Variants in SHPRH observed in about 807,000 individuals in gnomAD.
SHPRH encodes the protein E3 ubiquitin-protein ligase SHPRH.
In SHPRH, 106 loss-of-function variants were observed where a neutral mutation model predicts 202.5. The ratio of observed to expected loss-of-function variants is 0.52; its 90% CI spans 0.45 to 0.62. SHPRH has a LOEUF of 0.62. SHPRH is among the 20% of genes least tolerant of loss of function. The pLI is 0.00. For synonymous variants in SHPRH, 729 were observed against 686.0 expected (o/e 1.06, Z -0.98); for missense variants, 1,710 against 2,020.0 (o/e 0.85, Z 2.94).
intron 2 of SHPRH, among the ~76,000 whole-genome samples, chr6:145,867,945 C>CAA (rs1316943262): frequency 1.3e-5 from 2 of 152,064 alleles, no homozygotes; most frequent in Non-Finnish European, 2.9e-5. Context: ...CAAAACAAAA[C>CAA]AACTTTGCCA....
At chr6:145,951,851 G>A (rs999504359) in intron 3 of SHPRH, 1 of 455,904 alleles carries the variant, frequency 2.2e-6, no homozygotes, top group East Asian at 7.0e-5. Flanking sequence ...GCTGCACCAA[G>A]CCATCCACAC....
intron 2 of SHPRH, among the ~76,000 whole-genome samples, chr6:145,870,627 G>C (rs1260017121): frequency 1.3e-5 from 2 of 152,086 alleles, no homozygotes; most frequent in African/African-American, 2.4e-5. Flanking sequence ...TTTTTTCCCA[G>C]TCTGTATACC....
rs576859061 is a variant in SHPRH, at chr6:145,895,655, C to T, written c.4516-678G>A. ...GAAAATAGTGCAAGTATTTCTGTAG[C>T]CCTCAATGAGAAAGTTTTCCTTCTG... is the stretch of plus-strand genomic sequence containing the variant. On this transcript the variant is annotated intron_variant, in intron 25 of 29. Coordinates refer to ENST00000275233, the MANE Select transcript of SHPRH (RefSeq NM_001042683.3). Among the ~76,000 whole-genome samples, 3 of 151,752 alleles carry T rather than the reference C, an allele frequency of 2.0e-5. No individual in the cohort carries two copies. The South Asian group carries it at 6.2e-4, about 32-fold the overall frequency.
intron 25 of SHPRH, among the ~76,000 whole-genome samples, chr6:145,902,890 A>G (rs1159358795): frequency 6.6e-6 from 1 of 152,104 alleles, no homozygotes; most frequent in East Asian, 1.9e-4. Flanking sequence ...TGGAGTTTAC[A>G]CTCAACAAAT....
At chr6:145,933,329 A>AT in intron 13 of SHPRH, 151 bp from the exon 14 acceptor site, 1 of 1,104,274 alleles carries the variant, frequency 9.1e-7, no homozygotes, top group Non-Finnish European at 1.3e-6. Flanking sequence ...TTTTACCATT[A>AT]TTTTTTCCCA....
At chr6:145,907,763 CT>C (rs1430741995) in intron 25 of SHPRH, 2 of 152,074 alleles carry the variant, frequency 1.3e-5, no homozygotes, top group African/African-American at 2.4e-5. Flanking sequence ...CCCTCAGAGA[CT>C]TTTTTTCCTT....
At position 145,886,285 on chromosome 6, in the gene SHPRH, G is replaced by A. The variant is rs1780998935; in HGVS notation, c.*406C>T. ...GAATCATGTGCTAAAGATACTGAAG[G>A]CCCTTCCAAAACTGAGATCTATGTT... On this transcript the variant is annotated 3_prime_UTR_variant, in exon 30 of 30. Coordinates refer to ENST00000275233, the MANE Select transcript of SHPRH (RefSeq NM_001042683.3). 3.8e-6 allele frequency: 2 copies of A among 523,482 alleles called. No individual in the cohort carries two copies. Among genetic ancestry groups the A allele is most frequent in the African/African-American group, 3.8e-5 (2 of 52,568 alleles). The allele number at this position is 523,482 out of a possible 1,614,324, so 32.4% of individuals were successfully genotyped here. A position where few individuals can be genotyped will look rare whatever the true frequency, so the allele number is the denominator to read the frequency against.
In SHPRH at chr6:145,887,676, T is replaced by C. The variant is rs532275642; in HGVS notation, c.4955+344A>G. ...TCAGCCTCCCGACTAGCTAAGACTA[T>C]GGTGCGTGTCACCATGCCTGGCTAA... On this transcript the variant is annotated intron_variant, in intron 29 of 29. Coordinates refer to ENST00000275233, the MANE Select transcript of SHPRH (RefSeq NM_001042683.3). Among the ~76,000 whole-genome samples the C allele has an allele frequency of 2.8e-4, 42 of 152,058 alleles. No individual in the cohort carries two copies. The East Asian group carries it at 5.3e-3, about 19-fold the overall frequency.
At chr6:145,906,649 A>C (rs1782986288) in intron 25 of SHPRH, 1 of 152,100 alleles carries the variant, frequency 6.6e-6, no homozygotes, top group South Asian at 2.1e-4. Context: ...CAACAACAAA[A>C]AAGTGATGTC....
intron 28 of SHPRH, among the ~76,000 whole-genome samples, chr6:145,891,563 C>G (rs1017229813): frequency 9.9e-5 from 15 of 152,122 alleles, no homozygotes; most frequent in Non-Finnish European, 1.5e-5. Flanking sequence ...ATCTCATGTT[C>G]CTAAAACAGT....
At chr6:145,866,158 C>A (rs1338530200) in intron 2 of SHPRH, among the ~76,000 whole-genome samples, 1 of 152,220 alleles carries the variant, frequency 6.6e-6, no homozygotes, top group Non-Finnish European at 1.5e-5. Context: ...CTTTCATTTG[C>A]CATTAATTTC....
At chr6:145,891,464 C>G (rs1164879941) in intron 28 of SHPRH, among the ~76,000 whole-genome samples, 1 of 152,148 alleles carries the variant, frequency 6.6e-6, no homozygotes, top group African/African-American at 2.4e-5. Context: ...TTTCCAGCTC[C>G]TAACATAGTC....
intron 2 of SHPRH, among the ~76,000 whole-genome samples, chr6:145,878,550 C>T (rs2253757): frequency 0.28 from 41,946 of 152,064 alleles, 6,295 homozygotes; most frequent in South Asian, 0.37. Context: ...TGGTCACTTA[C>T]ATATTATCTT....
rs148388648 is a variant in SHPRH at position 145,866,693 on chromosome 6, C to T, written c.222-2202G>A. Among the ~76,000 whole-genome samples, 43 of 152,226 alleles carry T rather than the reference C, an allele frequency of 2.8e-4. No homozygotes were observed. The East Asian group carries it at 6.6e-3, about 23-fold the overall frequency. ...AAGTCTCACGCTGGGCCAACAGGGA[C>T]GTAGATACTTGACAGTGGTTTCCAA... is the stretch of plus-strand genomic sequence containing the variant. On this transcript the variant is annotated intron_variant, in intron 2 of 2. Coordinates refer to the SHPRH transcript ENST00000417762.
chr6:145,946,393 G>A (rs1278436931), intron 6 of SHPRH, 52 bp from the exon 7 acceptor site: 1 of 1,378,096 alleles, frequency 7.3e-7, no homozygotes, highest in African/African-American at 1.5e-5. Flanking sequence ...TCAGTATTCT[G>A]AATTGCTTAT....
Position 145,919,407 on chromosome 6 carries a change from G to A in SHPRH, c.4093C>T (p.Arg1365Cys), listed in dbSNP as rs1378058905. ...LAMATERLRV[R>C]DPREPKPNPP... ...TTAGGCTTTGGCTCCCTAGGATCAC[G>A]CACTCTTAGTCGTTCTGTAGCCATT... The change falls in exon 22 of 30, where the codon CGT (arginine) becomes TGT (cysteine). Residue 1365 changes from arginine to cysteine, a missense_variant. This residue lies in a region of SHPRH where 306 missense variants were observed against 479.5 expected (regional missense o/e 0.64). Coordinates refer to ENST00000275233, the MANE Select transcript of SHPRH (RefSeq NM_001042683.3). 1.2e-6 allele frequency: 2 copies of A among 1,613,158 alleles called. No individual in the cohort carries two copies. The highest frequency in any genetic ancestry group is 1.7e-5 in the Admixed American group (1 of 59,902).
chr6:145,902,397 T>C (rs1782577271), intron 25 of SHPRH, among the ~76,000 whole-genome samples: 1 of 152,116 alleles, frequency 6.6e-6, no homozygotes, highest in African/African-American at 2.4e-5. Flanking sequence ...AGCCTCCTGT[T>C]GTAAAATGTG....
chr6:145,924,815 T>C lies in SHPRH; in HGVS notation c.3326A>G (p.Lys1109Arg). Reference protein sequence around the residue: ...AKQLREHYMSKCNTEVAEAQQ... With the variant: ...AKQLREHYMSRCNTEVAEAQQ... The stretch of plus-strand genomic sequence containing the variant: ...GGCTTCAGCAACTTCTGTATTACAC[T>C]TGCTCATGTAGTGCTCTCGCAGCTG... The change falls in exon 17 of 30, where the codon AAG becomes AGG. Residue 1109 changes from lysine (K) to arginine (R), a missense_variant. Coordinates refer to ENST00000275233, the MANE Select transcript of SHPRH (RefSeq NM_001042683.3). 1 of 1,611,630 alleles carries C rather than the reference T, an allele frequency of 6.2e-7. No homozygotes were observed. The highest frequency in any genetic ancestry group is 8.5e-7 in the Non-Finnish European group (1 of 1,178,416).
intron 2 of SHPRH, among the ~76,000 whole-genome samples, chr6:145,866,946 C>A (rs960257750): frequency 7.2e-5 from 11 of 152,004 alleles, no homozygotes; most frequent in Non-Finnish European, 1.6e-4. Flanking sequence ...TTCTGGTATG[C>A]AAAAATCTTA....
Sources: allele counts gnomAD v4.1 joint callset (sites outside exome capture counted in the v4.1 genomes callset), GRCh38; gene constraint gnomAD v4.1.1; regional missense constraint gnomAD v4.1.1; transcripts MANE v1.5; gene names NCBI Gene and HGNC (gene_info 2026-07-23, HGNC 2026-07-21).